The following MLST8 variants were observed in gnomAD, a reference collection of about 807,000 sequenced individuals.
The protein encoded by MLST8 is MTOR associated protein MLST8, also known as target of rapamycin complex subunit LST8.
A neutral mutation model predicts 41.3 loss-of-function variants in MLST8; 20 were observed. The observed-to-expected ratio is 0.48, with a 90% confidence interval of 0.34 to 0.70. The LOEUF (loss-of-function observed/expected upper bound fraction) is 0.70. Among genes scored for constraint, MLST8 ranks in the 30% least tolerant of loss-of-function variants. The probability of loss-of-function intolerance (pLI) is 0.01; values close to 1 mark genes in which losing one functional copy is unlikely to be tolerated. For synonymous variants in MLST8, 243 were observed against 183.0 expected (o/e 1.33, Z -2.65); for missense variants, 422 against 454.3 (o/e 0.93, Z 0.65).
In MLST8 at chr16:2,209,421, C is replaced by T. The variant is rs142825627; in HGVS notation, c.*544C>T. 4.3e-5 allele frequency: 70 copies of T among 1,613,698 alleles called. No individual in the cohort carries two copies. The highest frequency in any genetic ancestry group is 6.6e-5 in the South Asian group (6 of 91,092). ...CAGATGTTGCTCGGGAAGCAGATGT[C>T]GATGCAGAGATAAATCAGCCGCTGT... On this transcript the variant is annotated 3_prime_UTR_variant, in exon 9 of 9. Transcript: ENST00000569417.
In MLST8 at chr16:2,209,315, C is replaced by G; in HGVS notation, c.*438C>G. 1 of 1,563,284 alleles carries G rather than the reference C, an allele frequency of 6.4e-7. No individual in the cohort carries two copies. Among genetic ancestry groups the G allele is most frequent in the Non-Finnish European group, 8.8e-7 (1 of 1,141,278 alleles). On this transcript the variant is annotated 3_prime_UTR_variant, in exon 9 of 9. Transcript: ENST00000569417. ...GTCCTCCCTGGTGCAGGTGGCCTGG[C>G]CAGCCCACTGGATTGGGGACGGGCC...
Position 2,209,076 on chromosome 16 carries a change from C to T in MLST8, c.*199C>T. The T allele has an allele frequency of 7.5e-6, 5 of 666,592 alleles. No individual in the cohort carries two copies. The highest frequency in any genetic ancestry group is 1.0e-5 in the Non-Finnish European group (4 of 389,832). The allele number at this position is 666,592 out of a possible 1,614,324, so 41.3% of individuals were successfully genotyped here. On this transcript the variant is annotated 3_prime_UTR_variant, in exon 9 of 9. Transcript: ENST00000569417. ...CTTATCCAGATGTGACAGAGCTCGA[C>T]CCAAGCCAGGCTGCACACTCCTGGA...
chr16:2,206,238 G>A, intron 2 of MLST8, 24 bp downstream of exon 2: 1 of 1,601,712 alleles, frequency 6.2e-7, no homozygotes, highest in African/African-American at 1.3e-5. Context: ...GGGGCGGGCA[G>A]GGCGGCGCTG....
intron 6 of MLST8, chr16:2,207,958 C>T (rs937431833): frequency 1.2e-5 from 5 of 408,092 alleles, no homozygotes; most frequent in South Asian, 5.0e-5. Flanking sequence ...CGTTGGCCAT[C>T]GGCATCCTCC....
rs780205166 is a variant in MLST8 at position 2,208,823 on chromosome 16, C to T, written c.927C>T (p.Gly309=). ...CTGGAGAGATCAAGAGAGAGTATGG[C>T]GGCCACCAGAAGGCTGTTGTCTGCC... The part of the protein sequence containing the change: ...VETGEIKREY[G]GHQKAVVCLA... The change falls in exon 9 of 9, where the codon GGC becomes GGT. Residue 309 remains glycine, a synonymous_variant. Coordinates refer to ENST00000569417, the MANE Select transcript of MLST8 (RefSeq NM_022372.6). 2.0e-5 allele frequency: 32 copies of T among 1,613,712 alleles called. No homozygotes were observed. Among genetic ancestry groups the T allele is most frequent in the Admixed American group, 1.2e-4 (7 of 60,014 alleles).
rs555760206 is a variant in MLST8, at chr16:2,209,054, A to C, written c.*177A>C. On this transcript the variant is annotated 3_prime_UTR_variant, in exon 9 of 9. Coordinates refer to ENST00000569417, the MANE Select transcript of MLST8 (RefSeq NM_022372.6). ...TGGGACTCTCAGCCCCCAGTTGCTT[A>C]TCCAGATGTGACAGAGCTCGACCCA... 5 of 711,594 alleles carry C rather than the reference A, an allele frequency of 7.0e-6. No individual in the cohort carries two copies. In the African/African-American group the frequency reaches 8.9e-5, roughly 13 times the overall value. The allele number at this position is 711,594 out of a possible 1,614,324, so 44.1% of individuals were successfully genotyped here.
rs776803621 is a variant in MLST8, at chr16:2,206,314, T to C, written c.130-44T>C. The C allele has an allele frequency of 1.9e-6, 3 of 1,610,444 alleles. No homozygotes were observed. The Admixed American group carries it at 5.0e-5, about 27-fold the overall frequency. ...CAGATGGTGGAGGCCTGGGGGGCCC[T>C]GGCCTCAGGGCTACCTTCCCGTCAT... On this transcript the variant is annotated intron_variant, in intron 2 of 8. Transcript: ENST00000569417.
Position 2,206,020 on chromosome 16 carries a change from C to T in MLST8, c.-55-11C>T, listed in dbSNP as rs1409310942. On this transcript the variant is annotated splice_polypyrimidine_tract_variant and intron_variant, in intron 1 of 8. Transcript: ENST00000569417. ...GAGTGTCTTCTAAGTACTTCACATC[C>T]TTCTCTGCAGATGCTCTGACCTTTG... is the stretch of plus-strand genomic sequence containing the variant. 6.6e-6 allele frequency: 10 copies of T among 1,520,872 alleles called. No homozygotes were observed. The highest frequency in any genetic ancestry group is 1.3e-5 in the South Asian group (1 of 78,880). 94.2% of individuals were successfully genotyped at this position (1,520,872 alleles called of 1,614,324 possible).
Position 2,206,050 on chromosome 16 carries a change from C to A in MLST8, c.-36C>A. 1 of 1,541,532 alleles carries A rather than the reference C, an allele frequency of 6.5e-7. No homozygotes were observed. The highest frequency in any genetic ancestry group is 1.2e-5 in the South Asian group (1 of 82,976). ...CTGCAGATGCTCTGACCTTTGACCCCTGCCGTTCAGCTCTAGGGCCCGTGC... is the reference window on the plus strand; with the variant it reads ...CTGCAGATGCTCTGACCTTTGACCCATGCCGTTCAGCTCTAGGGCCCGTGC... On this transcript the variant is annotated 5_prime_UTR_variant, in exon 2 of 9. In the 5' UTR this introduces an upstream ATG that the reference lacks. Transcript: ENST00000569417.
chr16:2,208,518 C>T lies in MLST8; in HGVS notation c.767C>T (p.Thr256Met), dbSNP rs755883886. ...IWRTSNFSLM[T>M]ELSIKSGNPG... ...AGGACGTCCAACTTCTCCCTGATGACGGAGCTGAGCATCAAGAGCGGCAAC... is the reference window on the plus strand; with the variant it reads ...AGGACGTCCAACTTCTCCCTGATGATGGAGCTGAGCATCAAGAGCGGCAAC... The change falls in exon 8 of 9, where the codon ACG (threonine) becomes ATG (methionine). Residue 256 changes from threonine to methionine, a missense_variant. Thr to Met is a moderately conservative substitution (Grantham distance 81). Coordinates refer to ENST00000569417, the MANE Select transcript of MLST8 (RefSeq NM_022372.6). 43 of 1,613,190 alleles carry T rather than the reference C, an allele frequency of 2.7e-5. No homozygotes were observed. The highest frequency in any genetic ancestry group is 9.9e-5 in the South Asian group (9 of 91,094).
In MLST8 at chr16:2,209,232, A is replaced by C; in HGVS notation, c.*355A>C. 1.1e-6 allele frequency: 1 copy of C among 897,358 alleles called. No individual in the cohort carries two copies. The highest frequency in any genetic ancestry group is 1.7e-5 in the South Asian group (1 of 60,122). 55.6% of individuals were successfully genotyped at this position (897,358 alleles called of 1,614,324 possible). A position where few individuals can be genotyped will look rare whatever the true frequency, so the allele number is the denominator to read the frequency against. ...TGCCCGCGTTTCAGGGCCTCGGTCC[A>C]TAGAGAACACCACCACCATGGCCAG... On this transcript the variant is annotated 3_prime_UTR_variant, in exon 9 of 9. Transcript: ENST00000569417.
At chr16:2,207,634 G>A in intron 6 of MLST8, 1 of 466,668 alleles carries the variant, frequency 2.1e-6, no homozygotes, top group South Asian at 2.6e-5. Context: ...TCTGGTGACG[G>A]CTGACACACT....
rs1258629746 is a variant in MLST8, at chr16:2,209,066, C to T, written c.*189C>T. 2 of 680,100 alleles carry T rather than the reference C, an allele frequency of 2.9e-6. No individual in the cohort carries two copies. Among genetic ancestry groups the T allele is most frequent in the Middle Eastern group, 4.1e-4 (1 of 2,448 alleles). The allele number at this position is 680,100 out of a possible 1,614,324, so 42.1% of individuals were successfully genotyped here. A position where few individuals can be genotyped will look rare whatever the true frequency, so the allele number is the denominator to read the frequency against. On this transcript the variant is annotated 3_prime_UTR_variant, in exon 9 of 9. Transcript: ENST00000569417. ...CCCCCAGTTGCTTATCCAGATGTGACAGAGCTCGACCCAAGCCAGGCTGCA... is the reference window on the plus strand; with the variant it reads ...CCCCCAGTTGCTTATCCAGATGTGATAGAGCTCGACCCAAGCCAGGCTGCA...
At chr16:2,207,167 C>T (rs1408683954) in intron 5 of MLST8, 26 bp from the exon 6 acceptor site, 4 of 1,613,116 alleles carry the variant, frequency 2.5e-6, no homozygotes, top group Admixed American at 3.3e-5. Flanking sequence ...GGGCTTGGGC[C>T]CTGCCTCACC....
At position 2,208,442 on chromosome 16, in the gene MLST8, C is replaced by T; in HGVS notation, c.699-8C>T. On this transcript the variant is annotated splice_polypyrimidine_tract_variant and splice_region_variant and intron_variant, in intron 7 of 8. Transcript: ENST00000569417. ...TGCTGCTGGACACGCCCCATGCCCA[C>T]CCACTAGGCTCCTCGCCACCTGCTC... 6.2e-7 allele frequency: 1 copy of T among 1,612,192 alleles called. No individual in the cohort carries two copies. Among genetic ancestry groups the T allele is most frequent in the Non-Finnish European group, 8.5e-7 (1 of 1,179,582 alleles).
chr16:2,207,272 C>T lies in MLST8; in HGVS notation c.500C>T (p.Pro167Leu). Residue 167 changes from proline to leucine, a missense_variant, in exon 6 of 9, where the codon CCT (proline) becomes CTT (leucine). Transcript: ENST00000569417. ...LKTDHNEQLIPEPEVSITSAH... is the reference protein window; with the variant it reads ...LKTDHNEQLILEPEVSITSAH... ...ACAGACCACAACGAGCAGCTGATCC[C>T]TGAGCCCGAGGTCTCCATCACGTCC... is the stretch of plus-strand genomic sequence containing the variant. 1 of 1,614,206 alleles carries T rather than the reference C, an allele frequency of 6.2e-7. No homozygotes were observed. The highest frequency in any genetic ancestry group is 8.5e-7 in the Non-Finnish European group (1 of 1,180,034).
Position 2,208,348 on chromosome 16 carries a change from C to T in MLST8, c.698+14C>T. ...CCCCGACTCCACGTGCGTGCAGGGC[C>T]TGCTGGCCCGGGAGGGGACCTGCCT... On this transcript the variant is annotated intron_variant, in intron 7 of 8. Transcript: ENST00000569417. 1.9e-6 allele frequency: 3 copies of T among 1,605,302 alleles called. No homozygotes were observed. Among genetic ancestry groups the T allele is most frequent in the Non-Finnish European group, 2.6e-6 (3 of 1,174,404 alleles).
intron 8 of MLST8, 54 bp from the exon 9 acceptor site, chr16:2,208,705 C>T (rs765648157): frequency 6.8e-6 from 11 of 1,613,214 alleles, no homozygotes; most frequent in South Asian, 5.5e-5. Flanking sequence ...TCTGCTGGGG[C>T]CGCCTGCTTG....
At chr16:2,207,738 G>A (rs2093322990) in intron 6 of MLST8, 1 of 264,968 alleles carries the variant, frequency 3.8e-6, no homozygotes, top group Admixed American at 4.9e-5. Context: ...GTATCAGCCA[G>A]GTGGCGTCAT....
Sources: gnomAD v4.1 joint callset for allele counts on GRCh38, gnomAD v4.1.1 for gene constraint, MANE v1.5 for transcripts, NCBI Gene and HGNC (gene_info 2026-07-23, HGNC 2026-07-21) for gene names.